Variants in SDK1 observed in about 807,000 individuals in gnomAD.
SDK1 encodes the protein protein sidekick-1.
A neutral mutation model predicts 245.5 loss-of-function variants in SDK1; 157 were observed. That is an observed-to-expected ratio of 0.64 (90% CI 0.56 to 0.73). The LOEUF is 0.73. Among genes scored for constraint, SDK1 ranks in the 30% least tolerant of loss-of-function variants. The pLI is 0.00. For missense variants in SDK1, 3,583 were observed against 3,002.3 expected, an observed-to-expected ratio of 1.19 and a Z score of -4.52; for synonymous variants, 1,647 against 1,278.5, an observed-to-expected ratio of 1.29 and a Z score of -6.15.
intron 41 of SDK1, among the ~76,000 whole-genome samples, chr7:4,235,096 C>T (rs1786070032): frequency 6.6e-6 from 1 of 152,138 alleles, no homozygotes; most frequent in South Asian, 2.1e-4. Flanking sequence ...GGTACCCTGG[C>T]CTGGGAACAT....
chr7:4,063,174 A>G (rs1779645605), intron 19 of SDK1, among the ~76,000 whole-genome samples: 1 of 152,236 alleles, frequency 6.6e-6, no homozygotes, highest in Admixed American at 6.5e-5. Flanking sequence ...TTCTCTTTGC[A>G]GATGACATGA....
intron 1 of SDK1, among the ~76,000 whole-genome samples, chr7:3,556,030 T>C (rs935685106): frequency 2.6e-5 from 4 of 152,008 alleles, no homozygotes; most frequent in African/African-American, 9.7e-5. Flanking sequence ...AAAGTAAAAA[T>C]AGAGCTACCA....
intron 1 of SDK1, among the ~76,000 whole-genome samples, chr7:3,532,061 T>C (rs1019862881): frequency 5.9e-5 from 9 of 152,200 alleles, no homozygotes; most frequent in Admixed American, 2.6e-4. Flanking sequence ...AATTTAACTA[T>C]TGTTGATGGA....
Position 3,967,326 on chromosome 7 carries a change from C to T in SDK1, c.1438C>T (p.Pro480Ser), listed in dbSNP as rs1189239143. Reference sequence around the variant, plus strand: ...TTTACTCCTCTTCTCAGATATCGCTCCAGTGTTCACCCAGCGGCCAGTGGA... The same window carrying T: ...TTTACTCCTCTTCTCAGATATCGCTTCAGTGTTCACCCAGCGGCCAGTGGA... ...HTYLDVTNIA[P>S]VFTQRPVDTT... Residue 480 changes from proline to serine, a missense_variant, in exon 10 of 45, where the codon CCA (proline) becomes TCA (serine). Transcript: ENST00000404826. The T allele has an allele frequency of 6.2e-7, 1 of 1,613,112 alleles. No individual in the cohort carries two copies. The highest frequency in any genetic ancestry group is 2.2e-5 in the East Asian group (1 of 44,878).
In SDK1 at chr7:3,535,561, G is replaced by A. The variant is rs146362474; in HGVS notation, c.299-83519G>A. On this transcript the variant is annotated intron_variant, in intron 1 of 44. Coordinates refer to ENST00000404826, the MANE Select transcript of SDK1 (RefSeq NM_152744.4). ...TGCAGGCTTCTTAACTTCTTTGCTT[G>A]AAAGTTTTCTCAGCTGTAAAGCGCG... 2.9e-3 allele frequency among the ~76,000 whole-genome samples: 434 copies of A among 152,230 alleles called. 3 individuals are homozygous for A. Among genetic ancestry groups the A allele is most frequent in the African/African-American group, 0.01 (416 of 41,556 alleles).
intron 13 of SDK1, among the ~76,000 whole-genome samples, chr7:3,986,596 C>T (rs892978222): frequency 1.3e-5 from 2 of 152,116 alleles, no homozygotes; most frequent in Admixed American, 1.3e-4. Context: ...CATGGTGGCT[C>T]ACGCCTGTAA....
At chr7:3,972,691 G>A (rs1400307864) in intron 12 of SDK1, among the ~76,000 whole-genome samples, 1 of 152,220 alleles carries the variant, frequency 6.6e-6, no homozygotes, top group Non-Finnish European at 1.5e-5. Context: ...CTCACCCCGA[G>A]CAGAGGGGAC....
chr7:3,757,108 C>T (rs1779954406), intron 4 of SDK1, among the ~76,000 whole-genome samples: 1 of 152,122 alleles, frequency 6.6e-6, no homozygotes, highest in African/African-American at 2.4e-5. Flanking sequence ...AAAACCAACT[C>T]CCAGCGTTAG....
intron 4 of SDK1, among the ~76,000 whole-genome samples, chr7:3,815,414 A>C (rs1779482512): frequency 6.8e-6 from 1 of 146,088 alleles, no homozygotes; most frequent in Non-Finnish European, 1.5e-5. Context: ...GCTGGATTAC[A>C]TTTATTGATT....
At chr7:3,981,666 G>A (rs914138563) in intron 13 of SDK1, among the ~76,000 whole-genome samples, 2 of 152,150 alleles carry the variant, frequency 1.3e-5, no homozygotes, top group Non-Finnish European at 2.9e-5. Context: ...GGTCTGGAGA[G>A]AAAAATCAAA....
chr7:3,661,117 T>A (rs1178962381), intron 4 of SDK1, among the ~76,000 whole-genome samples: 1 of 152,240 alleles, frequency 6.6e-6, no homozygotes, highest in African/African-American at 2.4e-5. Context: ...GTGATCTAGA[T>A]AACCATTTAC....
chr7:3,685,613 ATG>A (rs1232364472), intron 4 of SDK1, among the ~76,000 whole-genome samples: 2 of 152,208 alleles, frequency 1.3e-5, no homozygotes, highest in African/African-American at 4.8e-5. Flanking sequence ...TTGTAACTTT[ATG>A]TGCTACTCAG....
intron 13 of SDK1, among the ~76,000 whole-genome samples, chr7:3,984,895 G>A (rs962517714): frequency 3.3e-5 from 5 of 152,198 alleles, no homozygotes; most frequent in Non-Finnish European, 7.4e-5. Context: ...TCTCTGTGCA[G>A]GCCAGTGCAT....
chr7:4,117,345 G>A (rs1443104975), intron 25 of SDK1, among the ~76,000 whole-genome samples: 1 of 152,164 alleles, frequency 6.6e-6, no homozygotes, highest in Non-Finnish European at 1.5e-5. Context: ...GCATGCACCT[G>A]TAGCCCCAGC....
intron 5 of SDK1, among the ~76,000 whole-genome samples, chr7:3,888,576 A>C (rs1350863557): frequency 6.6e-6 from 1 of 152,258 alleles, no homozygotes. Flanking sequence ...GGCATTTTCT[A>C]CAGTATATCA....
chr7:3,402,001 C>G (rs576799342), intron 1 of SDK1, among the ~76,000 whole-genome samples: 1 of 152,122 alleles, frequency 6.6e-6, no homozygotes, highest in African/African-American at 2.4e-5. Flanking sequence ...GAATATGTAC[C>G]TTGAGCTAGC....
In SDK1 at chr7:3,941,022, C is replaced by T. The variant is rs185705205; in HGVS notation, c.848-9901C>T. On this transcript the variant is annotated intron_variant, in intron 5 of 44. Coordinates refer to ENST00000404826, the MANE Select transcript of SDK1 (RefSeq NM_152744.4). Reference sequence around the variant, plus strand: ...TGGGCAGCTTCTGCAGAACGCCTTCCCTTCTCCCTCCTGACCCACCAGCAC... The same window carrying T: ...TGGGCAGCTTCTGCAGAACGCCTTCTCTTCTCCCTCCTGACCCACCAGCAC... Among the ~76,000 whole-genome samples, 36 of 151,964 alleles carry T rather than the reference C, an allele frequency of 2.4e-4. 1 individual carries two copies. The highest frequency in any genetic ancestry group is 2.0e-3 in the Admixed American group (30 of 15,258).
At chr7:3,394,884 T>C (rs562229028) in intron 1 of SDK1, among the ~76,000 whole-genome samples, 2 of 152,200 alleles carry the variant, frequency 1.3e-5, no homozygotes, top group African/African-American at 2.4e-5. Context: ...TTTTAAAAAT[T>C]AGTTCTAATA....
intron 4 of SDK1, among the ~76,000 whole-genome samples, chr7:3,788,391 G>C (rs912178574): frequency 2.0e-5 from 3 of 152,170 alleles, no homozygotes; most frequent in African/African-American, 7.2e-5. Context: ...GCTTCTGCCA[G>C]GCCGGAGAGT....
Sources: gnomAD v4.1 joint callset for allele counts (sites outside exome capture counted in the v4.1 genomes callset) on GRCh38, gnomAD v4.1.1 for gene constraint, MANE v1.5 for transcripts, NCBI Gene and HGNC (gene_info 2026-07-23, HGNC 2026-07-21) for gene names.